Variants in WWOX observed in about 807,000 individuals in gnomAD.
WWOX encodes the protein WW domain-containing oxidoreductase.
A neutral mutation model predicts 46.2 loss-of-function variants in WWOX; 69 were observed. The observed-to-expected ratio is 1.49, with a 90% CI of 1.23 to 1.82. WWOX has a LOEUF of 1.82. WWOX is among the 40% of genes most tolerant of loss of function. The probability of loss-of-function intolerance (pLI) is 0.00; values close to 1 mark genes in which losing one functional copy is unlikely to be tolerated. For missense variants in WWOX, 919 were observed against 542.6 expected (o/e 1.69, Z -6.89); for synonymous variants, 359 against 202.6 (o/e 1.77, Z -6.56).
At chr16:78,299,051 A>C in intron 5 of WWOX, among the ~76,000 whole-genome samples, 1 of 152,194 alleles carries the variant, frequency 6.6e-6, no homozygotes, top group East Asian at 1.9e-4. Context: ...ACAGGAGCCT[A>C]GGAGATACAT....
intron 8 of WWOX, among the ~76,000 whole-genome samples, chr16:79,108,171 C>G (rs530081983): frequency 1.3e-5 from 2 of 152,256 alleles, no homozygotes; most frequent in East Asian, 3.9e-4. Context: ...GCAAGGAAGC[C>G]CACTAGTCCA....
chr16:78,120,510 C>T (rs916397073), intron 4 of WWOX, among the ~76,000 whole-genome samples: 1 of 150,470 alleles, frequency 6.6e-6, no homozygotes, highest in East Asian at 2.0e-4. Flanking sequence ...GTGGAGCTTG[C>T]AGTGAGCTGA....
At chr16:78,733,400 A>T (rs868380259) in intron 8 of WWOX, among the ~76,000 whole-genome samples, 1 of 151,996 alleles carries the variant, frequency 6.6e-6, no homozygotes. Flanking sequence ...GGCTGCAGTG[A>T]GCTACAATCA....
At chr16:78,861,020 AT>A (rs770970777) in intron 8 of WWOX, among the ~76,000 whole-genome samples, 10 of 151,892 alleles carry the variant, frequency 6.6e-5, no homozygotes, top group Non-Finnish European at 1.5e-4. Flanking sequence ...GGGTTTTGCC[AT>A]GTTTCCTAGG....
At chr16:78,969,257 C>T (rs181114070) in intron 8 of WWOX, among the ~76,000 whole-genome samples, 1 of 133,258 alleles carries the variant, frequency 7.5e-6, no homozygotes, top group Non-Finnish European at 1.6e-5. Flanking sequence ...ACCCTGCTCT[C>T]TCTCTCTCTC....
At chr16:78,906,624 C>T (rs192489350) in intron 8 of WWOX, among the ~76,000 whole-genome samples, 2 of 152,274 alleles carry the variant, frequency 1.3e-5, no homozygotes, top group Admixed American at 6.5e-5. Context: ...AAAACCATGC[C>T]AGTCAGCTTC....
At chr16:78,699,169 C>T (rs150701695) in intron 8 of WWOX, among the ~76,000 whole-genome samples, 13 of 152,318 alleles carry the variant, frequency 8.5e-5, no homozygotes, top group Middle Eastern at 3.4e-3. Flanking sequence ...AAACAGGTCA[C>T]GGGCCACATT....
At chr16:79,160,586 A>G (rs557176587) in intron 8 of WWOX, among the ~76,000 whole-genome samples, 2 of 152,100 alleles carry the variant, frequency 1.3e-5, no homozygotes, top group Non-Finnish European at 2.9e-5. Flanking sequence ...GATGCATTTT[A>G]TTTTGTTTTA....
chr16:78,380,784 C>G (rs1006742404), intron 5 of WWOX, among the ~76,000 whole-genome samples: 2 of 152,134 alleles, frequency 1.3e-5, no homozygotes, highest in Non-Finnish European at 2.9e-5. Context: ...GAAGCAGTAA[C>G]TTGCCCAGCC....
intron 8 of WWOX, among the ~76,000 whole-genome samples, chr16:78,433,549 C>G (rs1450804853): frequency 6.6e-6 from 1 of 152,168 alleles, no homozygotes; most frequent in Non-Finnish European, 1.5e-5. Flanking sequence ...AACTTAAAAT[C>G]TACTTGACAG....
Position 79,200,657 on chromosome 16 carries a change from T to C in WWOX, c.1057-10951T>C, listed in dbSNP as rs138499376. ...CGTCTTTTTTTTTGGCCATTACAGT[T>C]GGGATTAGACTAACCCTCCCTAAGC... On this transcript the variant is annotated intron_variant, in intron 8 of 8. Coordinates refer to ENST00000566780, the MANE Select transcript of WWOX (RefSeq NM_016373.4). 6.0e-3 allele frequency among the ~76,000 whole-genome samples: 915 copies of C among 152,216 alleles called. 11 individuals carry two copies. Among genetic ancestry groups the C allele is most frequent in the African/African-American group, 0.02 (850 of 41,514 alleles).
At chr16:78,826,088 G>A (rs776429227) in intron 8 of WWOX, 17 of 346,710 alleles carry the variant, frequency 4.9e-5, no homozygotes, top group Non-Finnish European at 7.8e-5. Flanking sequence ...AAAGACAACC[G>A]GGAATGCCTG....
At chr16:78,837,314 T>C (rs1567594698) in intron 8 of WWOX, among the ~76,000 whole-genome samples, 1 of 152,190 alleles carries the variant, frequency 6.6e-6, no homozygotes, top group Non-Finnish European at 1.5e-5. Context: ...CTTAGAGAAG[T>C]GAACGAGGCA....
chr16:78,859,266 G>T (rs942175410), intron 8 of WWOX, among the ~76,000 whole-genome samples: 5 of 151,276 alleles, frequency 3.3e-5, no homozygotes, highest in Non-Finnish European at 1.5e-5. Flanking sequence ...CTGCCTGAAA[G>T]GGAAGTGGAG....
At position 78,422,836 on chromosome 16, in the gene WWOX, TATACATATACACACACACAC is replaced by T. The variant is rs1567563668; in HGVS notation, c.606-2032_606-2013del. Among the ~76,000 whole-genome samples the T allele has an allele frequency of 3.2e-4, 34 of 106,696 alleles. 2 individuals are homozygous for T. The highest frequency in any genetic ancestry group is 1.4e-3 in the African/African-American group (34 of 24,714). The allele number at this position is 106,696 out of a possible 152,430, so 70.0% of individuals were successfully genotyped here. On this transcript the variant is annotated intron_variant, in intron 6 of 8. Transcript: ENST00000566780. ...ATATATATACACACACATATATATA[TATACATATACACACACACAC>T]ACACACACACACACACACACACACA...
chr16:78,958,812 G>T (rs1035413768), intron 8 of WWOX, among the ~76,000 whole-genome samples: 1 of 152,168 alleles, frequency 6.6e-6, no homozygotes, highest in Non-Finnish European at 1.5e-5. Context: ...GGGGTAGTGG[G>T]CACAGGGGAA....
chr16:78,506,371 T>C (rs759793452), intron 8 of WWOX: 5 of 152,250 alleles, frequency 3.3e-5, no homozygotes, highest in Non-Finnish European at 7.3e-5. Context: ...CGAGTGCTTA[T>C]AACACGTCAT....
chr16:79,119,564 A>G (rs1194154498), intron 8 of WWOX, among the ~76,000 whole-genome samples: 1 of 152,206 alleles, frequency 6.6e-6, no homozygotes, highest in East Asian at 1.9e-4. Flanking sequence ...AGTGGGTTTT[A>G]CATTGAGAAT....
At chr16:78,667,262 G>A (rs906383625) in intron 8 of WWOX, among the ~76,000 whole-genome samples, 1 of 152,178 alleles carries the variant, frequency 6.6e-6, no homozygotes, top group African/African-American at 2.4e-5. Flanking sequence ...CTTTCTAGAA[G>A]CAGAGCTGTA....
Sources: allele counts gnomAD v4.1 joint callset (sites outside exome capture counted in the v4.1 genomes callset), GRCh38; gene constraint gnomAD v4.1.1; transcripts MANE v1.5; gene names NCBI Gene and HGNC (gene_info 2026-07-23, HGNC 2026-07-21).